ARB2A: variants seen among roughly 807,000 people sequenced by gnomAD.
ARB2A encodes ARB2 cotranscriptional regulator A.
the ARB2A span, among the ~76,000 whole-genome samples, chr5:93,659,983 G>A: frequency 2.6e-5 from 4 of 151,448 alleles, no homozygotes; most frequent in Non-Finnish European, 5.9e-5. Flanking sequence ...TGGACAGAAG[G>A]AATGAATTGT....
At chr5:93,841,438 G>A in the ARB2A span, among the ~76,000 whole-genome samples, 1 of 152,086 alleles carries the variant, frequency 6.6e-6, no homozygotes, top group Admixed American at 6.6e-5. Context: ...ATGTGTATAG[G>A]CTACATGCAA....
At chr5:93,756,019 T>A in the ARB2A span, among the ~76,000 whole-genome samples, 4 of 152,150 alleles carry the variant, frequency 2.6e-5, no homozygotes, top group East Asian at 7.7e-4. Context: ...GGACACAGAC[T>A]CAGGGCTGTT....
the ARB2A span, among the ~76,000 whole-genome samples, chr5:93,624,915 A>G: frequency 1.3e-5 from 2 of 152,210 alleles, no homozygotes; most frequent in Non-Finnish European, 2.9e-5. Flanking sequence ...TGATTTTAAT[A>G]TATACTGAAT....
chr5:93,857,078 C>T, the ARB2A span, among the ~76,000 whole-genome samples: 2 of 152,162 alleles, frequency 1.3e-5, no homozygotes, highest in Non-Finnish European at 2.9e-5. Flanking sequence ...GTATCAGCAG[C>T]GCTGGCTGCA....
At chr5:93,905,248 GAT>G in the ARB2A span, among the ~76,000 whole-genome samples, 1 of 151,598 alleles carries the variant, frequency 6.6e-6, no homozygotes, top group East Asian at 1.9e-4. Flanking sequence ...ATTTAAAATA[GAT>G]GTAGAAAACT....
chr5:93,653,661 G>A, the ARB2A span, among the ~76,000 whole-genome samples: 1 of 151,660 alleles, frequency 6.6e-6, no homozygotes, highest in Non-Finnish European at 1.5e-5. Context: ...ATTTGACCAA[G>A]GAGTCTGTCT....
chr5:94,028,800 C>T, the ARB2A span, among the ~76,000 whole-genome samples: 1 of 152,110 alleles, frequency 6.6e-6, no homozygotes, highest in Admixed American at 6.5e-5. Context: ...AACTTTCAGG[C>T]ATCATGACTT....
the ARB2A span, among the ~76,000 whole-genome samples, chr5:93,654,770 A>C: frequency 2.0e-5 from 3 of 152,342 alleles, no homozygotes; most frequent in Admixed American, 6.5e-5. Context: ...ATCATTGATT[A>C]GTTTTCTGAC....
the ARB2A span, among the ~76,000 whole-genome samples, chr5:93,933,463 T>C: frequency 2.0e-5 from 3 of 152,138 alleles, no homozygotes; most frequent in Admixed American, 1.3e-4. Context: ...CATGGAGTAC[T>C]ATGCAGCCAT....
chr5:94,056,905 T>C, the ARB2A span, among the ~76,000 whole-genome samples: 9 of 152,310 alleles, frequency 5.9e-5, no homozygotes, highest in African/African-American at 1.9e-4. Context: ...AGGATTAACA[T>C]CTGAATGGGT....
chr5:93,930,817 T>TA, the ARB2A span, among the ~76,000 whole-genome samples: 1 of 152,192 alleles, frequency 6.6e-6, no homozygotes, highest in Admixed American at 6.5e-5. Context: ...TCCATGAAAA[T>TA]ACTCTTTTTA....
the ARB2A span, among the ~76,000 whole-genome samples, chr5:93,912,116 A>T: frequency 2.6e-5 from 4 of 151,734 alleles, no homozygotes; most frequent in African/African-American, 7.2e-5. Flanking sequence ...TTTTGTGTAT[A>T]TATCGTTATT....
chr5:93,655,700 C>T, the ARB2A span, among the ~76,000 whole-genome samples: 1 of 152,096 alleles, frequency 6.6e-6, no homozygotes, highest in Non-Finnish European at 1.5e-5. Context: ...CTCTGCAGTA[C>T]AAAGACTGTA....
the ARB2A span, among the ~76,000 whole-genome samples, chr5:93,804,417 T>C: frequency 2.0e-5 from 3 of 151,942 alleles, no homozygotes; most frequent in Admixed American, 1.3e-4. Context: ...TACCAAATAA[T>C]TGAGCATAAT....
chr5:93,641,269 TTATTA>T, the ARB2A span, among the ~76,000 whole-genome samples: 1 of 151,944 alleles, frequency 6.6e-6, no homozygotes, highest in Admixed American at 6.6e-5. Context: ...CAAGTGATAA[TTATTA>T]TATTTAGATC....
the ARB2A span, among the ~76,000 whole-genome samples, chr5:93,792,741 C>A: frequency 6.6e-6 from 1 of 150,514 alleles, no homozygotes. Context: ...AGGAGATATA[C>A]CTAATGCTAA....
At chr5:93,667,533 G>A in the ARB2A span, among the ~76,000 whole-genome samples, 2 of 152,162 alleles carry the variant, frequency 1.3e-5, no homozygotes, top group Non-Finnish European at 2.9e-5. Flanking sequence ...ATCGTTCACT[G>A]CAGCTTCAAA....
chr5:93,819,341 T>C, the ARB2A span, among the ~76,000 whole-genome samples: 1 of 152,180 alleles, frequency 6.6e-6, no homozygotes, highest in Non-Finnish European at 1.5e-5. Context: ...TCTAGATCAT[T>C]TGGGCAAAAT....
chr5:94,000,133 T>G, the ARB2A span, among the ~76,000 whole-genome samples: 1 of 152,128 alleles, frequency 6.6e-6, no homozygotes, highest in Non-Finnish European at 1.5e-5. Context: ...AACATCCATG[T>G]GCAGGTTTTC....
Sources: allele counts gnomAD v4.1 joint callset (sites outside exome capture counted in the v4.1 genomes callset), GRCh38; gene constraint gnomAD v4.1.1; transcripts MANE v1.5; gene names NCBI Gene and HGNC (gene_info 2026-07-23, HGNC 2026-07-21).